The following FAT3 variants were observed in gnomAD, a reference collection of about 807,000 sequenced individuals.
The protein encoded by FAT3 is protocadherin Fat 3.
FAT3 carries 95 observed loss-of-function variants against 310.2 expected under a neutral mutation model. That is an observed-to-expected ratio of 0.31 (90% CI 0.26 to 0.36). The LOEUF (loss-of-function observed/expected upper bound fraction) is 0.36. Ranked by LOEUF, FAT3 falls within the 10% of genes least tolerant of loss-of-function variation. FAT3 has a pLI of 1.00. For synonymous variants in FAT3, 2,314 were observed against 2,192.9 expected (o/e 1.06, Z -1.54); for missense variants, 5,408 against 5,715.6 (o/e 0.95, Z 1.74).
chr11:92,633,727 C>T (rs745488596), intron 3 of FAT3, among the ~76,000 whole-genome samples: 21 of 152,154 alleles, frequency 1.4e-4, no homozygotes, highest in Non-Finnish European at 2.6e-4. Context: ...AAATGTATCA[C>T]TTCATAAATA....
At chr11:92,721,643 ATGT>A (rs1944861565) in intron 4 of FAT3, among the ~76,000 whole-genome samples, 1 of 152,196 alleles carries the variant, frequency 6.6e-6, no homozygotes, top group African/African-American at 2.4e-5. Context: ...TGAGATACAA[ATGT>A]TGTATCCTTG....
chr11:92,259,178 T>G (rs1404036948), intron 1 of FAT3, among the ~76,000 whole-genome samples: 1 of 152,150 alleles, frequency 6.6e-6, no homozygotes, highest in Admixed American at 6.6e-5. Context: ...TTAGGATTCT[T>G]TATTTCAATT....
At chr11:92,289,131 C>G (rs928080820) in intron 1 of FAT3, among the ~76,000 whole-genome samples, 7 of 152,000 alleles carry the variant, frequency 4.6e-5, no homozygotes, top group Admixed American at 1.3e-4. Flanking sequence ...TTTGGCTCAT[C>G]TATGAGCAGG....
At chr11:92,463,473 G>T (rs1206720884) in intron 2 of FAT3, among the ~76,000 whole-genome samples, 1 of 152,120 alleles carries the variant, frequency 6.6e-6, no homozygotes, top group Admixed American at 6.6e-5. Context: ...GTAAAATGGG[G>T]TTGAATACTA....
intron 2 of FAT3, among the ~76,000 whole-genome samples, chr11:92,402,493 G>A (rs1031753483): frequency 3.3e-5 from 5 of 152,078 alleles, no homozygotes; most frequent in African/African-American, 9.7e-5. Flanking sequence ...ACTTTGGGAG[G>A]CTGAGGCAGG....
intron 6 of FAT3, among the ~76,000 whole-genome samples, chr11:92,771,064 T>C (rs186943694): frequency 3.4e-4 from 52 of 152,266 alleles, no homozygotes; most frequent in African/African-American, 1.2e-3. Flanking sequence ...TAACCATCTC[T>C]GCCGCACACC....
chr11:92,891,126 G>A lies in FAT3; in HGVS notation c.*13G>A, dbSNP rs2136451197. 6.2e-7 allele frequency: 1 copy of A among 1,610,678 alleles called. No homozygotes were observed. Among genetic ancestry groups the A allele is most frequent in the Non-Finnish European group, 8.5e-7 (1 of 1,178,300 alleles). The stretch of plus-strand genomic sequence containing the variant: ...GACTCAAGTGTAGACATCACATCTT[G>A]GGTACTTCACCCTGTTTGTTACAGA... On this transcript the variant is annotated 3_prime_UTR_variant, in exon 28 of 28. Transcript: ENST00000525166.
chr11:92,609,417 T>C (rs1341650714), intron 3 of FAT3, among the ~76,000 whole-genome samples: 2 of 152,226 alleles, frequency 1.3e-5, no homozygotes, highest in East Asian at 3.9e-4. Flanking sequence ...TGTGTATATT[T>C]GATGTAATGC....
At chr11:92,379,730 G>T (rs529681597) in intron 2 of FAT3, among the ~76,000 whole-genome samples, 1 of 152,156 alleles carries the variant, frequency 6.6e-6, no homozygotes, top group East Asian at 1.9e-4. Flanking sequence ...TAAGTACTAG[G>T]GTGAAAAATC....
At chr11:92,730,007 T>A (rs79463231) in intron 4 of FAT3, among the ~76,000 whole-genome samples, 1 of 152,148 alleles carries the variant, frequency 6.6e-6, no homozygotes, top group African/African-American at 2.4e-5. Context: ...GTTTTCATAA[T>A]TTTGCTACAT....
At position 92,415,471 on chromosome 11, in the gene FAT3, A is replaced by G. The variant is rs1347469775; in HGVS notation, c.3292+60067A>G. On this transcript the variant is annotated intron_variant, in intron 2 of 27. Transcript: ENST00000525166. ...ATTAGCTAATCTGTCCTCCTGCATC[A>G]CTGGAGCAGCAGGATTGCATTTGAT... Among the ~76,000 whole-genome samples the G allele has an allele frequency of 2.6e-5, 4 of 152,176 alleles. No individual in the cohort carries two copies. The East Asian group carries it at 7.7e-4, about 29-fold the overall frequency.
chr11:92,258,797 A>G (rs1865418144), intron 1 of FAT3, among the ~76,000 whole-genome samples: 1 of 152,016 alleles, frequency 6.6e-6, no homozygotes, highest in Non-Finnish European at 1.5e-5. Flanking sequence ...GATGCAGTAG[A>G]GGCTGGTGAG....
chr11:92,742,243 T>A (rs1945528504), intron 4 of FAT3, among the ~76,000 whole-genome samples: 1 of 152,176 alleles, frequency 6.6e-6, no homozygotes, highest in Non-Finnish European at 1.5e-5. Context: ...AGTCATTCTA[T>A]CTGAATGTGG....
chr11:92,306,061 A>T (rs966110136), intron 1 of FAT3, among the ~76,000 whole-genome samples: 7 of 152,088 alleles, frequency 4.6e-5, no homozygotes, highest in Non-Finnish European at 1.0e-4. Flanking sequence ...TTTTTTTTGT[A>T]AATTTGAAAT....
At chr11:92,732,106 T>C (rs1945199059) in intron 4 of FAT3, among the ~76,000 whole-genome samples, 1 of 152,212 alleles carries the variant, frequency 6.6e-6, no homozygotes, top group Non-Finnish European at 1.5e-5. Flanking sequence ...ATTCATTAAA[T>C]TTACTAATTT....
At chr11:92,654,740 C>A (rs556192688) in intron 3 of FAT3, among the ~76,000 whole-genome samples, 4 of 152,274 alleles carry the variant, frequency 2.6e-5, no homozygotes, top group Non-Finnish European at 5.9e-5. Flanking sequence ...ACAACAGGTC[C>A]GTCTGCTTTT....
chr11:92,500,279 GTAATT>G (rs1256509456), intron 2 of FAT3, among the ~76,000 whole-genome samples: 6 of 151,894 alleles, frequency 4.0e-5, no homozygotes, highest in East Asian at 1.9e-4. Context: ...ATGTTATTAT[GTAATT>G]TAATTTAATT....
chr11:92,783,919 A>C (rs1449778900), intron 7 of FAT3, among the ~76,000 whole-genome samples: 1 of 152,268 alleles, frequency 6.6e-6, no homozygotes, highest in Non-Finnish European at 1.5e-5. Flanking sequence ...CCTCATAATG[A>C]ATGTTCATGA....
chr11:92,733,804 A>G lies in FAT3; in HGVS notation c.3670-28052A>G, dbSNP rs371966896. On this transcript the variant is annotated intron_variant, in intron 4 of 27. Coordinates refer to ENST00000525166, the MANE Select transcript of FAT3 (RefSeq NM_001367949.2). Reference sequence around the variant, plus strand: ...ATCTTGTGCAGGAAACTGAAGCTGTAGGTACAGATTTGGGAATCCTCACAA... The same window carrying G: ...ATCTTGTGCAGGAAACTGAAGCTGTGGGTACAGATTTGGGAATCCTCACAA... Among the ~76,000 whole-genome samples the G allele has an allele frequency of 1.1e-4, 17 of 152,352 alleles. No homozygotes were observed. The East Asian group carries it at 3.3e-3, about 29-fold the overall frequency.
Sources: allele counts gnomAD v4.1 joint callset (sites outside exome capture counted in the v4.1 genomes callset), GRCh38; gene constraint gnomAD v4.1.1; transcripts MANE v1.5; gene names NCBI Gene and HGNC (gene_info 2026-07-23, HGNC 2026-07-21).